The following TET3 variants were observed in gnomAD, a reference collection of about 807,000 sequenced individuals.
TET3 encodes tet methylcytosine dioxygenase 3.
In TET3, 19 loss-of-function variants were observed where a neutral mutation model predicts 141.4. The ratio of observed to expected loss-of-function variants is 0.13; its 90% CI spans 0.09 to 0.20. TET3 has a LOEUF of 0.20. Ranked by LOEUF, TET3 falls within the 10% of genes least tolerant of loss-of-function variation. The probability of loss-of-function intolerance (pLI) is 1.00; values close to 1 mark genes in which losing one functional copy is unlikely to be tolerated. For synonymous variants in TET3, 1,043 were observed against 980.9 expected, an observed-to-expected ratio of 1.06 and a Z score of -1.18; for missense variants, 1,874 against 2,356.9, an observed-to-expected ratio of 0.80 and a Z score of 4.24.
the TET3 span, among the ~76,000 whole-genome samples, chr2:74,114,303 G>A: frequency 5.5e-4 from 21 of 38,398 alleles, no homozygotes; most frequent in South Asian, 2.3e-3. Flanking sequence ...TGGGGACTCG[G>A]GGGGGAGGGC....
At chr2:74,109,861 T>G (rs750532819), downstream of TET3, among the ~76,000 whole-genome samples, 3 of 152,174 alleles carry the variant, frequency 2.0e-5, no homozygotes, top group Admixed American at 6.5e-5. Flanking sequence ...CACACTATTT[T>G]TATGAGTGTA....
At chr2:74,084,936 A>G (rs941713946) in intron 6 of TET3, among the ~76,000 whole-genome samples, 1 of 151,896 alleles carries the variant, frequency 6.6e-6, no homozygotes, top group Non-Finnish European at 1.5e-5. Flanking sequence ...CTCGGTCTCA[A>G]AAAAAAAGAG....
intron 3 of TET3, among the ~76,000 whole-genome samples, chr2:74,020,265 A>G (rs997706503): frequency 2.0e-5 from 3 of 152,240 alleles, no homozygotes; most frequent in African/African-American, 7.2e-5. Flanking sequence ...GCTTACTGCA[A>G]TCTCTGCCTC....
chr2:74,048,132 CA>C lies in TET3; in HGVS notation c.2218del (p.Thr740HisfsTer26). On this transcript the variant is annotated frameshift_variant, in exon 4 of 12. Transcript: ENST00000409262. LOFTEE classifies it high-confidence loss of function. ...SVPIQDPENQQTCLPAPESPF... is the reference protein window; with the variant it reads ...SVPIQDPENQXTCLPAPESPF... ...GCCCATTCAGGACCCCGAGAACCAG[CA>C]AACATGTCTCCCAGCCCCTGAGAGC... is the stretch of plus-strand genomic sequence containing the variant. 6.2e-7 allele frequency: 1 copy of C among 1,613,282 alleles called. No individual in the cohort carries two copies. The highest frequency in any genetic ancestry group is 8.5e-7 in the Non-Finnish European group (1 of 1,179,598).
the TET3 span, among the ~76,000 whole-genome samples, chr2:74,125,694 AAT>A: frequency 1.7e-4 from 26 of 150,274 alleles, no homozygotes; most frequent in African/African-American, 6.0e-4. Flanking sequence ...AGTATGCTAA[AAT>A]TTTTTTTTTT....
chr2:74,048,055 A>C lies in TET3; in HGVS notation c.2138A>C (p.Gln713Pro). Residue 713 changes from glutamine (Q) to proline (P), a missense_variant, in exon 4 of 12, where the codon CAG becomes CCG. This residue lies in a region of TET3 where 484 missense variants were observed against 462.2 expected (regional missense o/e 1.05). Transcript: ENST00000409262. ...ADDKLEELIR[Q>P]FEAEFGDSFG... Reference sequence around the variant, plus strand: ...GACAAGCTGGAAGAGCTCATCCGGCAGTTTGAGGCTGAATTTGGAGATAGC... The same window carrying C: ...GACAAGCTGGAAGAGCTCATCCGGCCGTTTGAGGCTGAATTTGGAGATAGC... 1 of 1,612,086 alleles carries C rather than the reference A, an allele frequency of 6.2e-7. No individual in the cohort carries two copies. The highest frequency in any genetic ancestry group is 8.5e-7 in the Non-Finnish European group (1 of 1,179,036).
chr2:74,068,371 A>G (rs1449130475), intron 4 of TET3, among the ~76,000 whole-genome samples: 1 of 151,780 alleles, frequency 6.6e-6, no homozygotes, highest in Non-Finnish European at 1.5e-5. Flanking sequence ...CTGTACTGAA[A>G]TTTTTTTTCT....
intron 3 of TET3, among the ~76,000 whole-genome samples, chr2:74,025,717 C>T (rs966530930): frequency 6.6e-6 from 1 of 152,168 alleles, no homozygotes; most frequent in Non-Finnish European, 1.5e-5. Flanking sequence ...GAGAAACCCC[C>T]CAGATCACAT....
intron 3 of TET3, among the ~76,000 whole-genome samples, chr2:74,037,082 C>G (rs1176906781): frequency 6.6e-6 from 1 of 152,176 alleles, no homozygotes; most frequent in Non-Finnish European, 1.5e-5. Flanking sequence ...CCTGGAGTTG[C>G]TGTCTGCAGA....
rs920189901 is a variant in TET3 at position 74,104,373 on chromosome 2, A to G, written c.*2197A>G. On this transcript the variant is annotated 3_prime_UTR_variant, in exon 12 of 12. Coordinates refer to ENST00000409262, the MANE Select transcript of TET3 (RefSeq NM_001287491.2). ...AAAACCTCTGACCTTCAGTTTGACA[A>G]GCTAAAGGAAGCAGAGTCTTTAATG... The G allele has an allele frequency of 4.6e-5, 7 of 152,248 alleles. No individual in the cohort carries two copies. Among genetic ancestry groups the G allele is most frequent in the African/African-American group, 1.7e-4 (7 of 41,470 alleles). The allele number at this position is 152,248 out of a possible 1,614,324, so 9.4% of individuals were successfully genotyped here.
rs1351746849 is a variant in TET3, at chr2:74,073,433, A to G, written c.2495-116A>G. 5 of 654,204 alleles carry G rather than the reference A, an allele frequency of 7.6e-6. No homozygotes were observed. The Admixed American group carries it at 9.2e-5, about 12-fold the overall frequency. The allele number at this position is 654,204 out of a possible 1,614,324, so 40.5% of individuals were successfully genotyped here. A position where few individuals can be genotyped will look rare whatever the true frequency, so the allele number is the denominator to read the frequency against. On this transcript the variant is annotated intron_variant, in intron 4 of 11. Coordinates refer to ENST00000409262, the MANE Select transcript of TET3 (RefSeq NM_001287491.2). ...ACACCTTTTCACATGTTCATAAGCC[A>G]TGTGGGTTTCCTGTTTTCTAGCATG...
rs143015993 is a variant in TET3 at position 74,006,363 on chromosome 2, C to T, written c.360+3197C>T. 7.9e-5 allele frequency among the ~76,000 whole-genome samples: 12 copies of T among 152,340 alleles called. No individual in the cohort carries two copies. In the East Asian group the frequency reaches 2.3e-3, roughly 29 times the overall value. ...CCATGATAAGAACTGGAGTTAGAGT[C>T]CCAGAGCTCAGCTCCATCTCCTTGG... On this transcript the variant is annotated intron_variant, in intron 3 of 11. Transcript: ENST00000409262.
At chr2:74,022,042 A>G (rs1222632200) in intron 3 of TET3, among the ~76,000 whole-genome samples, 1 of 146,660 alleles carries the variant, frequency 6.8e-6, no homozygotes, top group Non-Finnish European at 1.5e-5. Flanking sequence ...AAAAGTCCAT[A>G]ATTTTTCTAC....
At chr2:74,095,775 T>C (rs1392695546) in intron 10 of TET3, among the ~76,000 whole-genome samples, 2 of 152,260 alleles carry the variant, frequency 1.3e-5, no homozygotes, top group Non-Finnish European at 2.9e-5. Context: ...CTTTCAGACA[T>C]TTCCCTTCTG....
chr2:74,041,979 C>G (rs1687364763), intron 3 of TET3, among the ~76,000 whole-genome samples: 1 of 152,208 alleles, frequency 6.6e-6, no homozygotes, highest in African/African-American at 2.4e-5. Flanking sequence ...TTTATCCCTT[C>G]TATTTTCAAC....
chr2:74,122,670 C>A, the TET3 span, among the ~76,000 whole-genome samples: 1 of 134,400 alleles, frequency 7.4e-6, no homozygotes, highest in Non-Finnish European at 1.6e-5. Context: ...TGTGCCACTA[C>A]ACCTAGCTTT....
At chr2:74,111,650 C>G (rs1392598126), downstream of TET3, among the ~76,000 whole-genome samples, 1 of 152,192 alleles carries the variant, frequency 6.6e-6, no homozygotes, top group Non-Finnish European at 1.5e-5. Context: ...CAGTATAGCC[C>G]TCTAAAGCTG....
At chr2:74,007,120 T>C (rs1358035498) in intron 3 of TET3, among the ~76,000 whole-genome samples, 3 of 152,220 alleles carry the variant, frequency 2.0e-5, no homozygotes, top group African/African-American at 7.2e-5. Flanking sequence ...AGACATTGAC[T>C]AAACTATTAC....
intron 3 of TET3, among the ~76,000 whole-genome samples, chr2:74,036,973 G>A (rs1448320947): frequency 6.6e-6 from 1 of 152,128 alleles, no homozygotes; most frequent in East Asian, 1.9e-4. Flanking sequence ...ATGTTTTACT[G>A]GTATGCATGT....
Sources: allele counts gnomAD v4.1 joint callset (sites outside exome capture counted in the v4.1 genomes callset), GRCh38; gene constraint gnomAD v4.1.1; regional missense constraint gnomAD v4.1.1; transcripts MANE v1.5; gene names NCBI Gene and HGNC (gene_info 2026-07-23, HGNC 2026-07-21).